FOXO1: variants seen among roughly 807,000 people sequenced by gnomAD.
FOXO1 encodes forkhead box protein O1.
A neutral mutation model predicts 44.1 loss-of-function variants in FOXO1; 6 were observed. The observed-to-expected ratio is 0.14, with a 90% CI of 0.07 to 0.27. The LOEUF (loss-of-function observed/expected upper bound fraction) is 0.27. FOXO1 is among the 10% of genes least tolerant of loss of function. The probability of loss-of-function intolerance (pLI) is 1.00; values close to 1 mark genes in which losing one functional copy is unlikely to be tolerated. For synonymous variants in FOXO1, 380 were observed against 362.7 expected (o/e 1.05, Z -0.54); for missense variants, 737 against 888.8 (o/e 0.83, Z 2.17).
intron 1 of FOXO1, among the ~76,000 whole-genome samples, chr13:40,626,891 C>T (rs1876804676): frequency 6.6e-6 from 1 of 152,228 alleles, no homozygotes; most frequent in South Asian, 2.1e-4. Flanking sequence ...GAATTTCAGT[C>T]TGGCCACTGG....
intron 1 of FOXO1, among the ~76,000 whole-genome samples, chr13:40,616,065 G>GT (rs1876413225): frequency 6.6e-6 from 1 of 152,218 alleles, no homozygotes; most frequent in Non-Finnish European, 1.5e-5. Context: ...AGTGGAAGGG[G>GT]TAAGAAGTAA....
Position 40,560,491 on chromosome 13 carries a change from C to T in FOXO1, c.1000G>A (p.Glu334Lys), listed in dbSNP as rs759316607. Reference protein sequence around the residue: ...ISGRLSPIMTEQDDLGEGDVH... With the variant: ...ISGRLSPIMTKQDDLGEGDVH... ...TCCCCTTCTCCAAGATCATCCTGTT[C>T]GGTCATAATGGGTGAGAGTCTCCCA... The change falls in exon 2 of 3, where the codon GAA becomes AAA. Residue 334 changes from glutamate to lysine, a missense_variant. By Grantham distance (56) the Glu-to-Lys change is moderately conservative. Transcript: ENST00000379561. This position sits in a 1 kb window ranked among gnomAD's most constrained non-coding sequence, Gnocchi z 5.1. The T allele has an allele frequency of 7.4e-6, 12 of 1,613,918 alleles. No homozygotes were observed. Among genetic ancestry groups the T allele is most frequent in the East Asian group, 6.7e-5 (3 of 44,884 alleles).
intron 1 of FOXO1, among the ~76,000 whole-genome samples, chr13:40,590,208 A>T (rs573806355): frequency 6.6e-6 from 1 of 152,338 alleles, no homozygotes; most frequent in African/African-American, 2.4e-5. Flanking sequence ...AAAGCCATTC[A>T]GATAAACAAG....
At position 40,556,239 on chromosome 13, in the gene FOXO1, C is replaced by T. The variant is rs1402847976; in HGVS notation, c.*2810G>A. 6.6e-6 allele frequency: 1 copy of T among 152,444 alleles called. No individual in the cohort carries two copies. Among genetic ancestry groups the T allele is most frequent in the Non-Finnish European group, 1.5e-5 (1 of 68,032 alleles). The allele number at this position is 152,444 out of a possible 1,614,324, so 9.4% of individuals were successfully genotyped here. ...GAGAATGATTTCCATTTTAAGCATCCTTATCCTCTTCTTGGGATGTTCCAT... is the reference window on the plus strand; with the variant it reads ...GAGAATGATTTCCATTTTAAGCATCTTTATCCTCTTCTTGGGATGTTCCAT... On this transcript the variant is annotated 3_prime_UTR_variant, in exon 3 of 3. Coordinates refer to ENST00000379561, the MANE Select transcript of FOXO1 (RefSeq NM_002015.4).
chr13:40,580,846 T>C (rs771672849), intron 1 of FOXO1, among the ~76,000 whole-genome samples: 1 of 152,198 alleles, frequency 6.6e-6, no homozygotes, highest in Non-Finnish European at 1.5e-5. Flanking sequence ...GCAAAATAAG[T>C]TCAAGTCCCT....
chr13:40,563,933 C>T (rs563884517), intron 1 of FOXO1, among the ~76,000 whole-genome samples: 5 of 152,216 alleles, frequency 3.3e-5, no homozygotes, highest in Non-Finnish European at 7.3e-5. Context: ...GAAGTCCAGG[C>T]ATTTGCACAA....
chr13:40,619,068 G>T (rs150196757), intron 1 of FOXO1: 1 of 446,172 alleles, frequency 2.2e-6, no homozygotes, highest in African/African-American at 2.0e-5. Flanking sequence ...GGTGGATCAC[G>T]AGGTCTGGAG....
At position 40,560,952 on chromosome 13, in the gene FOXO1, A is replaced by G; in HGVS notation, c.631-92T>C. 2.3e-6 allele frequency: 3 copies of G among 1,295,936 alleles called. No homozygotes were observed. Among genetic ancestry groups the G allele is most frequent in the South Asian group, 2.9e-5 (2 of 67,926 alleles). The allele number at this position is 1,295,936 out of a possible 1,614,324, so 80.3% of individuals were successfully genotyped here. A position where few individuals can be genotyped will look rare whatever the true frequency, so the allele number is the denominator to read the frequency against. Reference sequence around the variant, plus strand: ...GTATTACATGGAAAACAAGTAAAAAATCTTAAGAGTGTGTGCTACAGATTT... The same window carrying G: ...GTATTACATGGAAAACAAGTAAAAAGTCTTAAGAGTGTGTGCTACAGATTT... On this transcript the variant is annotated intron_variant, in intron 1 of 2. Transcript: ENST00000379561. The surrounding 1 kb of genome is among the most constrained non-coding windows in gnomAD (Gnocchi z 5.1).
chr13:40,628,607 G>C (rs1876864985), intron 1 of FOXO1, among the ~76,000 whole-genome samples: 2 of 152,080 alleles, frequency 1.3e-5, no homozygotes, highest in Admixed American at 6.5e-5. Flanking sequence ...ATACGATCTA[G>C]ACCCAAATCT....
chr13:40,665,342 T>G (rs937486463), intron 1 of FOXO1, among the ~76,000 whole-genome samples: 3 of 152,090 alleles, frequency 2.0e-5, no homozygotes, highest in African/African-American at 7.2e-5. Flanking sequence ...CTTTCTTTAC[T>G]TAGTTCCCCA....
chr13:40,659,045 G>A (rs1877949262), intron 1 of FOXO1, among the ~76,000 whole-genome samples: 1 of 151,202 alleles, frequency 6.6e-6, no homozygotes, highest in African/African-American at 2.4e-5. Context: ...GAAGACTTAG[G>A]CTGGGCCCAG....
chr13:40,637,723 C>T (rs1166985842), intron 1 of FOXO1, among the ~76,000 whole-genome samples: 8 of 152,252 alleles, frequency 5.3e-5, no homozygotes, highest in Middle Eastern at 3.4e-3. Context: ...ATTCTTCACA[C>T]GAGTAAAGAG....
chr13:40,626,859 T>C (rs1050305569), intron 1 of FOXO1, among the ~76,000 whole-genome samples: 1 of 152,214 alleles, frequency 6.6e-6, no homozygotes, highest in Non-Finnish European at 1.5e-5. Flanking sequence ...GTGACTTTAT[T>C]GGCAACTGCC....
intron 1 of FOXO1, 23 bp downstream of exon 1, chr13:40,665,560 G>C (rs746013860): frequency 2.2e-6 from 3 of 1,361,992 alleles, no homozygotes; most frequent in Non-Finnish European, 2.9e-6. Context: ...CCCAAGGTCC[G>C]GCCGCGCGCC....
chr13:40,559,570 A>C lies in FOXO1; in HGVS notation c.1921T>G (p.Phe641Val). ...NFDNVLPNQS[F>V]PHSVKTTTHS... ...GTCGTTGTCTTGACACTGTGTGGGAAGCTTTGGTTGGGCAACACATTGTCA... is the reference window on the plus strand; with the variant it reads ...GTCGTTGTCTTGACACTGTGTGGGACGCTTTGGTTGGGCAACACATTGTCA... The change falls in exon 2 of 3, where the codon TTC becomes GTC. Residue 641 changes from phenylalanine (F) to valine (V), a missense_variant. This residue lies in a region of FOXO1 where 45 missense variants were observed against 78.3 expected (regional missense o/e 0.57). Coordinates refer to ENST00000379561, the MANE Select transcript of FOXO1 (RefSeq NM_002015.4). 6.2e-7 allele frequency: 1 copy of C among 1,612,484 alleles called. No individual in the cohort carries two copies. Among genetic ancestry groups the C allele is most frequent in the Non-Finnish European group, 8.5e-7 (1 of 1,179,094 alleles).
Position 40,666,427 on chromosome 13 carries a change from G to C in FOXO1, c.-215C>G, listed in dbSNP as rs1464760274. 2.4e-6 allele frequency: 1 copy of C among 410,580 alleles called. No individual in the cohort carries two copies. Among genetic ancestry groups the C allele is most frequent in the Non-Finnish European group, 4.3e-6 (1 of 232,458 alleles). The allele number at this position is 410,580 out of a possible 1,614,324, so 25.4% of individuals were successfully genotyped here. A position where few individuals can be genotyped will look rare whatever the true frequency, so the allele number is the denominator to read the frequency against. Reference sequence around the variant, plus strand: ...GGGCCATCCACATCGAGGCTCCTCGGGGTCCGCCGCACGGACTGGACGGCC... The same window carrying C: ...GGGCCATCCACATCGAGGCTCCTCGCGGTCCGCCGCACGGACTGGACGGCC... On this transcript the variant is annotated 5_prime_UTR_variant, in exon 1 of 3. Transcript: ENST00000379561.
chr13:40,595,558 A>T (rs979049814), intron 1 of FOXO1, among the ~76,000 whole-genome samples: 1 of 152,222 alleles, frequency 6.6e-6, no homozygotes, highest in East Asian at 1.9e-4. Flanking sequence ...TAATGATCAA[A>T]TCAGGGTAAA....
At chr13:40,622,320 A>C (rs781446396) in intron 1 of FOXO1, among the ~76,000 whole-genome samples, 35 of 152,260 alleles carry the variant, frequency 2.3e-4, no homozygotes, top group Non-Finnish European at 2.9e-5. Flanking sequence ...AAAAACCTTT[A>C]AGAGAATGCA....
At chr13:40,646,872 G>A (rs926559613) in intron 1 of FOXO1, among the ~76,000 whole-genome samples, 3 of 152,148 alleles carry the variant, frequency 2.0e-5, no homozygotes, top group Non-Finnish European at 4.4e-5. Context: ...GGGATTACAG[G>A]CGTGAGCCAC....
Sources: allele counts gnomAD v4.1 joint callset (sites outside exome capture counted in the v4.1 genomes callset), GRCh38; gene constraint gnomAD v4.1.1; regional missense constraint gnomAD v4.1.1; non-coding constraint Gnocchi (gnomAD v3.1); transcripts MANE v1.5; gene names NCBI Gene and HGNC (gene_info 2026-07-23, HGNC 2026-07-21).